The following TEAD1 variants were observed in gnomAD, a reference collection of about 807,000 sequenced individuals.
The protein encoded by TEAD1 is transcriptional enhancer factor TEF-1.
A neutral mutation model predicts 54.9 loss-of-function variants in TEAD1; 9 were observed. The ratio of observed to expected loss-of-function variants is 0.16; its 90% confidence interval spans 0.10 to 0.29. TEAD1 has a LOEUF of 0.29. Ranked by LOEUF, TEAD1 falls within the 10% of genes least tolerant of loss-of-function variation. TEAD1 has a pLI of 1.00. For missense variants in TEAD1, 387 were observed against 535.9 expected, an observed-to-expected ratio of 0.72 and a Z score of 2.74; for synonymous variants, 200 against 187.8, an observed-to-expected ratio of 1.07 and a Z score of -0.53.
chr11:12,701,731 G>A (rs1943706261), intron 2 of TEAD1, among the ~76,000 whole-genome samples: 1 of 152,138 alleles, frequency 6.6e-6, no homozygotes, highest in South Asian at 2.1e-4. Flanking sequence ...AGTGATGTAC[G>A]GGAGGTGTGG....
chr11:12,933,626 G>A (rs981919633), intron 12 of TEAD1, among the ~76,000 whole-genome samples: 7 of 152,138 alleles, frequency 4.6e-5, no homozygotes, highest in African/African-American at 9.6e-5. Context: ...GTGTGGAATC[G>A]CAGATTGGGA....
At chr11:12,926,505 G>A (rs888167107) in intron 11 of TEAD1, among the ~76,000 whole-genome samples, 1 of 152,148 alleles carries the variant, frequency 6.6e-6, no homozygotes, top group African/African-American at 2.4e-5. Flanking sequence ...TTTATGCTTG[G>A]AAGGATGGTA....
intron 10 of TEAD1, chr11:12,922,397 C>T (rs1380290311): frequency 2.0e-5 from 1 of 50,254 alleles, no homozygotes; most frequent in South Asian, 4.8e-4. Flanking sequence ...GGGGTTTCAC[C>T]GTTTTAGCCG....
chr11:12,722,645 CTTTCTT>C (rs1317075524), intron 2 of TEAD1, among the ~76,000 whole-genome samples: 2 of 139,526 alleles, frequency 1.4e-5, no homozygotes, highest in African/African-American at 6.1e-5. Flanking sequence ...ATTTCTCTCT[CTTTCTT>C]TTTTTTTTTT....
At chr11:12,881,753 C>A in intron 7 of TEAD1, 143 bp from the exon 8 acceptor site, 1 of 798,894 alleles carries the variant, frequency 1.3e-6, no homozygotes, top group Non-Finnish European at 2.2e-6. Context: ...GAACAACTGC[C>A]TCTGCCTGGG....
rs141144656 is a variant in TEAD1 at position 12,865,104 on chromosome 11, T to A, written c.330+204T>A. The A allele has an allele frequency of 2.6e-3, 1,717 of 657,136 alleles. 26 individuals carry two copies. In the African/African-American group the frequency reaches 0.027, roughly 11 times the overall value. The allele number at this position is 657,136 out of a possible 1,614,324, so 40.7% of individuals were successfully genotyped here. A position where few individuals can be genotyped will look rare whatever the true frequency, so the allele number is the denominator to read the frequency against. On this transcript the variant is annotated intron_variant, in intron 5 of 12. Coordinates refer to ENST00000527636, the MANE Select transcript of TEAD1 (RefSeq NM_021961.6). ...CAATGTGTGTGAGCGCGTGTGTGTG[T>A]TTGCGTGTGTGTGTGCGTGTGTATG...
chr11:12,717,569 A>G (rs1944091539), intron 2 of TEAD1, among the ~76,000 whole-genome samples: 1 of 152,190 alleles, frequency 6.6e-6, no homozygotes, highest in Non-Finnish European at 1.5e-5. Flanking sequence ...GCCTTAATAC[A>G]CGATCTTCCT....
intron 2 of TEAD1, among the ~76,000 whole-genome samples, chr11:12,698,037 A>C (rs1943623812): frequency 1.3e-5 from 2 of 151,886 alleles, no homozygotes; most frequent in Non-Finnish European, 2.9e-5. Context: ...AAAAAAAAAA[A>C]AGGGCCCTCA....
chr11:12,920,914 G>A (rs1978896), intron 10 of TEAD1, among the ~76,000 whole-genome samples: 1 of 152,214 alleles, frequency 6.6e-6, no homozygotes, highest in Admixed American at 6.5e-5. Context: ...GCAGCCACTA[G>A]AAAGTGTGGC....
chr11:12,777,747 A>G (rs1226146509), intron 3 of TEAD1, among the ~76,000 whole-genome samples: 1 of 152,236 alleles, frequency 6.6e-6, no homozygotes, highest in Non-Finnish European at 1.5e-5. Flanking sequence ...CAATGGTGAT[A>G]TGATCCTGAT....
chr11:12,711,272 G>A (rs1943932814), intron 2 of TEAD1, among the ~76,000 whole-genome samples: 1 of 152,192 alleles, frequency 6.6e-6, no homozygotes, highest in East Asian at 1.9e-4. Flanking sequence ...GCAGGACTGG[G>A]TGATTATAAG....
At chr11:12,893,222 T>C (rs1214145906) in intron 9 of TEAD1, among the ~76,000 whole-genome samples, 2 of 152,194 alleles carry the variant, frequency 1.3e-5, no homozygotes, top group African/African-American at 4.8e-5. Context: ...GCTTAGTCCT[T>C]GAATGTCTCT....
intron 3 of TEAD1, among the ~76,000 whole-genome samples, chr11:12,808,053 A>G (rs1946214679): frequency 6.6e-6 from 1 of 152,206 alleles, no homozygotes; most frequent in Admixed American, 6.5e-5. Flanking sequence ...TTTGTTTCTA[A>G]ATGAATATAG....
At position 12,698,164 on chromosome 11, in the gene TEAD1, G is replaced by A. The variant is rs143028013; in HGVS notation, c.-55+22603G>A. On this transcript the variant is annotated intron_variant, in intron 2 of 12. Coordinates refer to ENST00000527636, the MANE Select transcript of TEAD1 (RefSeq NM_021961.6). Reference sequence around the variant, plus strand: ...TAGAGTTGACAGAGCTTTTTCAGTCGGGTAACTCTTTGATCTCTCACAACT... The same window carrying A: ...TAGAGTTGACAGAGCTTTTTCAGTCAGGTAACTCTTTGATCTCTCACAACT... Among the ~76,000 whole-genome samples the A allele has an allele frequency of 4.7e-3, 709 of 152,234 alleles. 3 individuals are homozygous for A. The highest frequency in any genetic ancestry group is 7.2e-3 in the Non-Finnish European group (493 of 68,018).
At chr11:12,680,481 C>A (rs1293854533) in intron 2 of TEAD1, among the ~76,000 whole-genome samples, 1 of 152,168 alleles carries the variant, frequency 6.6e-6, no homozygotes, top group Non-Finnish European at 1.5e-5. Flanking sequence ...AGCCACTCCC[C>A]GAGGCCCGCC....
intron 3 of TEAD1, among the ~76,000 whole-genome samples, chr11:12,803,111 T>G (rs1476116104): frequency 1.3e-5 from 2 of 151,988 alleles, no homozygotes; most frequent in Non-Finnish European, 2.9e-5. Flanking sequence ...TATTTTTTTT[T>G]TTTGTTTTGC....
chr11:12,849,718 C>A (rs1159231901), intron 3 of TEAD1, among the ~76,000 whole-genome samples: 1 of 152,180 alleles, frequency 6.6e-6, no homozygotes, highest in East Asian at 1.9e-4. Context: ...TGCAACACCT[C>A]CAGCCTATTC....
rs1284037147 is a variant in TEAD1, at chr11:12,941,897, C to T, written c.*4675C>T. 1 of 152,604 alleles carries T rather than the reference C, an allele frequency of 6.6e-6. No individual in the cohort carries two copies. The highest frequency in any genetic ancestry group is 2.4e-5 in the African/African-American group (1 of 41,434). 9.5% of individuals were successfully genotyped at this position (152,604 alleles called of 1,614,324 possible). A position where few individuals can be genotyped will look rare whatever the true frequency, so the allele number is the denominator to read the frequency against. ...AGCAGTGCCTTAGTAATACCTTAGT[C>T]ATGCCGCCAGCCTTTTCTTACACCA... On this transcript the variant is annotated 3_prime_UTR_variant, in exon 13 of 13. Transcript: ENST00000527636.
intron 5 of TEAD1, among the ~76,000 whole-genome samples, chr11:12,869,824 T>C (rs569728048): frequency 6.6e-6 from 1 of 152,320 alleles, no homozygotes. Context: ...GAAAATCAAA[T>C]CCAGTGAAAG....
Sources: allele counts gnomAD v4.1 joint callset (sites outside exome capture counted in the v4.1 genomes callset), GRCh38; gene constraint gnomAD v4.1.1; transcripts MANE v1.5; gene names NCBI Gene and HGNC (gene_info 2026-07-23, HGNC 2026-07-21).